The following ENDOD1 variants were observed in gnomAD, a reference collection of about 807,000 sequenced individuals.
ENDOD1 encodes the protein endonuclease domain containing 1, also known as endonuclease domain-containing 1 protein.
A neutral mutation model predicts 6.5 loss-of-function variants in ENDOD1; 9 were observed. The ratio of observed to expected loss-of-function variants is 1.39; its 90% CI spans 0.84 to 2.43. The LOEUF (loss-of-function observed/expected upper bound fraction) is 2.43. Among genes scored for constraint, ENDOD1 ranks in the 30% most tolerant of loss-of-function variants. ENDOD1 has a pLI of 0.00. For missense variants in ENDOD1, 648 were observed against 635.5 expected, an observed-to-expected ratio of 1.02 and a Z score of -0.21; for synonymous variants, 255 against 255.2, an observed-to-expected ratio of 1.00 and a Z score of 0.01.
At chr11:95,114,281 T>TGG (rs1859180516) in intron 1 of ENDOD1, among the ~76,000 whole-genome samples, 1 of 147,634 alleles carries the variant, frequency 6.8e-6, no homozygotes, top group African/African-American at 2.7e-5. Context: ...CATGCCTAGC[T>TGG]AATTTTTTGT....
At chr11:95,124,213 A>G (rs928664308) in intron 1 of ENDOD1, among the ~76,000 whole-genome samples, 2 of 152,240 alleles carry the variant, frequency 1.3e-5, no homozygotes, top group South Asian at 4.1e-4. Context: ...TTGAAATGGA[A>G]AAAGTTCCAT....
intron 1 of ENDOD1, among the ~76,000 whole-genome samples, chr11:95,119,975 A>G (rs987001856): frequency 5.9e-5 from 9 of 152,160 alleles, no homozygotes; most frequent in Middle Eastern, 3.2e-3. Flanking sequence ...TTCAGGGAGT[A>G]CTGCCAGAAC....
chr11:95,126,751 G>A (rs951065659), intron 1 of ENDOD1, among the ~76,000 whole-genome samples: 1 of 152,208 alleles, frequency 6.6e-6, no homozygotes, highest in Non-Finnish European at 1.5e-5. Context: ...CACAGTCTCT[G>A]CTCACTGCAT....
chr11:95,114,023 G>T (rs1859176777), intron 1 of ENDOD1, among the ~76,000 whole-genome samples: 1 of 152,204 alleles, frequency 6.6e-6, no homozygotes, highest in African/African-American at 2.4e-5. Flanking sequence ...GATGGTTGAT[G>T]ATGTTGGGCA....
intron 1 of ENDOD1, 151 bp from the exon 2 acceptor site, chr11:95,128,226 G>A: frequency 1.2e-6 from 1 of 817,650 alleles, no homozygotes. Flanking sequence ...AGAATGAAGT[G>A]TCCATGTGCC....
rs1430224114 is a variant in ENDOD1, at chr11:95,090,376, C to G, written c.300+149C>G. On this transcript the variant is annotated intron_variant, in intron 1 of 1. Coordinates refer to ENST00000278505, the MANE Select transcript of ENDOD1 (RefSeq NM_015036.3). ...GGGCCAAGAAACCCGGGTTCCAGGT[C>G]CACCCTGTTGCGTCCCCGGAGTTAG... The G allele has an allele frequency of 7.2e-6, 8 of 1,114,992 alleles. No individual in the cohort carries two copies. In the South Asian group the frequency reaches 1.4e-4, roughly 20 times the overall value. 69.1% of individuals were successfully genotyped at this position (1,114,992 alleles called of 1,614,324 possible). A position where few individuals can be genotyped will look rare whatever the true frequency, so the allele number is the denominator to read the frequency against.
intron 1 of ENDOD1, among the ~76,000 whole-genome samples, chr11:95,109,145 C>T (rs1397665556): frequency 6.6e-6 from 1 of 152,214 alleles, no homozygotes; most frequent in Non-Finnish European, 1.5e-5. Context: ...GCGTCTTTGT[C>T]CCCACGGAGT....
intron 1 of ENDOD1, 143 bp from the exon 2 acceptor site, chr11:95,128,234 G>T (rs1203225526): frequency 2.2e-6 from 2 of 901,626 alleles, no homozygotes; most frequent in Non-Finnish European, 3.3e-6. Context: ...GTGTCCATGT[G>T]CCAGAGAACC....
chr11:95,121,138 G>A (rs1859259073), intron 1 of ENDOD1, among the ~76,000 whole-genome samples: 1 of 152,184 alleles, frequency 6.6e-6, no homozygotes. Flanking sequence ...GGTACTGTGA[G>A]TGCTTACCTG....
intron 1 of ENDOD1, among the ~76,000 whole-genome samples, chr11:95,094,345 A>C (rs1229059754): frequency 6.6e-6 from 1 of 152,066 alleles, no homozygotes; most frequent in Non-Finnish European, 1.5e-5. Flanking sequence ...TACACTGTGG[A>C]GATTCTTTGA....
At chr11:95,095,043 G>A (rs1555110165) in intron 1 of ENDOD1, among the ~76,000 whole-genome samples, 3 of 147,894 alleles carry the variant, frequency 2.0e-5, no homozygotes, top group Non-Finnish European at 4.5e-5. Context: ...GCGTGTGCAC[G>A]CACACACACA....
intron 1 of ENDOD1, among the ~76,000 whole-genome samples, chr11:95,097,291 C>G (rs1445581314): frequency 2.6e-5 from 4 of 152,018 alleles, no homozygotes; most frequent in African/African-American, 9.7e-5. Flanking sequence ...GAGGAGTTGA[C>G]TTTTGGGTAT....
At chr11:95,094,486 A>G (rs1011740481) in intron 1 of ENDOD1, among the ~76,000 whole-genome samples, 3 of 152,216 alleles carry the variant, frequency 2.0e-5, no homozygotes, top group Admixed American at 6.5e-5. Flanking sequence ...ACTTGGCTGC[A>G]TAAAGGTTGC....
At chr11:95,090,888 A>G (rs7937846) in intron 1 of ENDOD1, among the ~76,000 whole-genome samples, 3,598 of 152,324 alleles carry the variant, frequency 0.024, 134 homozygotes, top group African/African-American at 0.081. Context: ...AATTAGAACA[A>G]TGAAATAAAG....
In ENDOD1 at chr11:95,089,966, C is replaced by T. The variant is rs1555109618; in HGVS notation, c.39C>T (p.Phe13=). 1 of 1,523,444 alleles carries T rather than the reference C, an allele frequency of 6.6e-7. No homozygotes were observed. Among genetic ancestry groups the T allele is most frequent in the South Asian group, 1.2e-5 (1 of 81,092 alleles). 94.4% of individuals were successfully genotyped at this position (1,523,444 alleles called of 1,614,324 possible). A position where few individuals can be genotyped will look rare whatever the true frequency, so the allele number is the denominator to read the frequency against. ...TARWLALGSL[F]ALAGLLEGRL... is the part of the protein sequence containing the mutation. ...GCTGGCTCGCGCTGGGCAGCCTCTT[C>T]GCCCTGGCTGGGCTGCTGGAAGGCC... The change falls in exon 1 of 2, where the codon TTC becomes TTT. Residue 13 remains phenylalanine (F), a synonymous_variant. Coordinates refer to ENST00000278505, the MANE Select transcript of ENDOD1 (RefSeq NM_015036.3).
rs116366493 is a variant in ENDOD1, at chr11:95,125,317, T to A, written c.301-3060T>A. 8.4e-3 allele frequency among the ~76,000 whole-genome samples: 1,281 copies of A among 152,330 alleles called. 18 individuals carry two copies. Among genetic ancestry groups the A allele is most frequent in the African/African-American group, 0.029 (1,199 of 41,574 alleles). The stretch of plus-strand genomic sequence containing the variant: ...TCCCGACCTTACACCCAAGTCTCCA[T>A]AGATCTTGGCTCTGCTATATCCTGA... On this transcript the variant is annotated intron_variant, in intron 1 of 1. Coordinates refer to ENST00000278505, the MANE Select transcript of ENDOD1 (RefSeq NM_015036.3).
rs1308995012 is a variant in ENDOD1, at chr11:95,128,803, A to G, written c.727A>G (p.Ser243Gly). The G allele has an allele frequency of 3.7e-6, 6 of 1,614,106 alleles. No individual in the cohort carries two copies. The highest frequency in any genetic ancestry group is 1.1e-5 in the South Asian group (1 of 91,082). Residue 243 changes from serine to glycine, a missense_variant, in exon 2 of 2, where the codon AGT becomes GGT. By Grantham distance (56) the Ser-to-Gly change is moderately conservative. Coordinates refer to ENST00000278505, the MANE Select transcript of ENDOD1 (RefSeq NM_015036.3). Reference protein sequence around the residue: ...AMGFVKHTRDSDIIEDVMVKD... With the variant: ...AMGFVKHTRDGDIIEDVMVKD... ...GGGCTTTGTCAAGCACACCCGGGACAGTGACATCATAGAAGATGTGATGGT... is the reference window on the plus strand; with the variant it reads ...GGGCTTTGTCAAGCACACCCGGGACGGTGACATCATAGAAGATGTGATGGT...
intron 1 of ENDOD1, among the ~76,000 whole-genome samples, chr11:95,108,445 T>C (rs923371307): frequency 6.6e-6 from 1 of 151,420 alleles, no homozygotes; most frequent in Non-Finnish European, 1.5e-5. Flanking sequence ...GGACATGCTC[T>C]GCTAAAAGGC....
chr11:95,110,294 C>G (rs1859134661), intron 1 of ENDOD1, among the ~76,000 whole-genome samples: 1 of 152,234 alleles, frequency 6.6e-6, no homozygotes, highest in Non-Finnish European at 1.5e-5. Flanking sequence ...GCTGACTCTT[C>G]TCCATGGGAT....
Sources: allele counts gnomAD v4.1 joint callset (sites outside exome capture counted in the v4.1 genomes callset), GRCh38; gene constraint gnomAD v4.1.1; transcripts MANE v1.5; gene names NCBI Gene and HGNC (gene_info 2026-07-23, HGNC 2026-07-21).